MAGI2: variants seen among roughly 807,000 people sequenced by gnomAD.
MAGI2 encodes the protein membrane associated guanylate kinase, WW and PDZ domain containing 2, also known as membrane-associated guanylate kinase, WW and PDZ domain-containing protein 2.
Under a neutral mutation model 133.3 loss-of-function variants are expected in MAGI2, and 35 were observed. The ratio of observed to expected loss-of-function variants is 0.26; its 90% CI spans 0.20 to 0.35. MAGI2 has a LOEUF of 0.35. MAGI2 is among the 10% of genes least tolerant of loss of function. The pLI, the probability that MAGI2 is intolerant of heterozygous loss-of-function variation, is 1.00. For synonymous variants in MAGI2, 729 were observed against 710.6 expected, an observed-to-expected ratio of 1.03 and a Z score of -0.41; for missense variants, 1,636 against 1,863.4, an observed-to-expected ratio of 0.88 and a Z score of 2.25.
At chr7:78,237,191 C>T (rs1584508157) in intron 10 of MAGI2, among the ~76,000 whole-genome samples, 1 of 152,040 alleles carries the variant, frequency 6.6e-6, no homozygotes, top group East Asian at 1.9e-4. Flanking sequence ...TAGAAATGGC[C>T]AACAGACATA....
chr7:79,014,361 T>G (rs1808476581), intron 1 of MAGI2, among the ~76,000 whole-genome samples: 1 of 152,144 alleles, frequency 6.6e-6, no homozygotes, highest in East Asian at 1.9e-4. Context: ...CCAGGCATCA[T>G]AGTAGGTACC....
chr7:79,135,805 G>T (rs1282450549), intron 1 of MAGI2, among the ~76,000 whole-genome samples: 2 of 151,570 alleles, frequency 1.3e-5, no homozygotes, highest in Non-Finnish European at 2.9e-5. Flanking sequence ...GCTGGGTGTG[G>T]TGGCATACTC....
At chr7:79,019,537 GTTTTTCTT>G (rs919939605) in intron 1 of MAGI2, among the ~76,000 whole-genome samples, 1 of 151,658 alleles carries the variant, frequency 6.6e-6, no homozygotes, top group Admixed American at 6.6e-5. Flanking sequence ...TCTTTTTTCT[GTTTTTCTT>G]TTTTTCTTTC....
intron 20 of MAGI2, among the ~76,000 whole-genome samples, chr7:78,119,616 A>C (rs906195806): frequency 1.3e-5 from 2 of 151,618 alleles, no homozygotes; most frequent in South Asian, 4.2e-4. Flanking sequence ...ACCATACTGT[A>C]AACTATGGAC....
chr7:78,262,611 T>C (rs1269811890), intron 9 of MAGI2, among the ~76,000 whole-genome samples: 1 of 152,136 alleles, frequency 6.6e-6, no homozygotes, highest in Non-Finnish European at 1.5e-5. Flanking sequence ...GGTATGCCAA[T>C]AACTAGTGGT....
chr7:78,277,073 T>C (rs1387062490), intron 9 of MAGI2, among the ~76,000 whole-genome samples: 1 of 152,150 alleles, frequency 6.6e-6, no homozygotes, highest in Non-Finnish European at 1.5e-5. Context: ...CTAATCAGCA[T>C]GAGTGAGTCA....
At chr7:78,354,429 G>A (rs1791853066) in intron 7 of MAGI2, among the ~76,000 whole-genome samples, 1 of 152,176 alleles carries the variant, frequency 6.6e-6, no homozygotes, top group East Asian at 1.9e-4. Flanking sequence ...AGGACACTCA[G>A]AATACCGGGC....
At chr7:78,938,791 T>A (rs1422570598) in intron 2 of MAGI2, among the ~76,000 whole-genome samples, 2 of 152,182 alleles carry the variant, frequency 1.3e-5, no homozygotes, top group African/African-American at 4.8e-5. Flanking sequence ...ATATGAGAGA[T>A]ATAAAGATGA....
chr7:79,128,958 T>A (rs1410163079), intron 1 of MAGI2, among the ~76,000 whole-genome samples: 2 of 152,096 alleles, frequency 1.3e-5, no homozygotes, highest in Admixed American at 6.5e-5. Context: ...GCAACCTCCA[T>A]CTCTCGAGTT....
At chr7:79,349,385 A>G (rs1841541480) in intron 1 of MAGI2, among the ~76,000 whole-genome samples, 1 of 152,016 alleles carries the variant, frequency 6.6e-6, no homozygotes, top group Admixed American at 6.6e-5. Flanking sequence ...CTGGACAAGT[A>G]TTCTACTTCT....
intron 1 of MAGI2, among the ~76,000 whole-genome samples, chr7:79,110,639 T>C (rs985213163): frequency 6.6e-6 from 1 of 152,184 alleles, no homozygotes; most frequent in South Asian, 2.1e-4. Context: ...TTGGGACTTT[T>C]GAGTTAATGT....
At chr7:78,686,215 A>G (rs1179178110) in intron 2 of MAGI2, among the ~76,000 whole-genome samples, 2 of 151,702 alleles carry the variant, frequency 1.3e-5, no homozygotes, top group African/African-American at 4.8e-5. Flanking sequence ...CCTTTATTTT[A>G]TCTTTTACCG....
At chr7:78,988,606 A>G (rs144691542) in intron 2 of MAGI2, among the ~76,000 whole-genome samples, 1 of 152,252 alleles carries the variant, frequency 6.6e-6, no homozygotes, top group African/African-American at 2.4e-5. Flanking sequence ...GATCTTCTGT[A>G]AGCTAGCTAT....
rs1797964353 is a variant in MAGI2 at position 78,905,930 on chromosome 7, T to G, written c.418+101160A>C. ...AGATACCATAAAGAAAAGTTTGTCT[T>G]ACCCACATTCAAACTTTCAACACCT... On this transcript the variant is annotated intron_variant, in intron 2 of 21. Transcript: ENST00000354212. Among the ~76,000 whole-genome samples the G allele has an allele frequency of 2.6e-5, 4 of 152,162 alleles. No homozygotes were observed. The South Asian group carries it at 8.3e-4, about 32-fold the overall frequency.
intron 16 of MAGI2, among the ~76,000 whole-genome samples, chr7:78,152,725 T>C (rs1197846485): frequency 6.6e-6 from 1 of 152,202 alleles, no homozygotes; most frequent in East Asian, 1.9e-4. Context: ...AGAAGCCAGA[T>C]ACATGAGGGG....
intron 10 of MAGI2, among the ~76,000 whole-genome samples, chr7:78,237,751 G>A (rs1790703393): frequency 6.6e-6 from 1 of 152,070 alleles, no homozygotes; most frequent in South Asian, 2.1e-4. Context: ...GGATAATAAT[G>A]AAGAGACAAT....
At chr7:79,225,886 G>C (rs1231006955) in intron 1 of MAGI2, among the ~76,000 whole-genome samples, 1 of 152,128 alleles carries the variant, frequency 6.6e-6, no homozygotes, top group Non-Finnish European at 1.5e-5. Flanking sequence ...GCCTGATTAT[G>C]ATGCAGAGCT....
chr7:78,447,314 T>C (rs1246584501), intron 6 of MAGI2, among the ~76,000 whole-genome samples: 3 of 151,934 alleles, frequency 2.0e-5, no homozygotes, highest in African/African-American at 7.2e-5. Context: ...CCTCATAAAT[T>C]TACCATTTTT....
intron 1 of MAGI2, among the ~76,000 whole-genome samples, chr7:79,408,282 T>C (rs1257584879): frequency 6.6e-6 from 1 of 152,108 alleles, no homozygotes; most frequent in African/African-American, 2.4e-5. Flanking sequence ...AAATATTTTA[T>C]AATTAATTTC....
Sources: gnomAD v4.1 joint callset for allele counts (sites outside exome capture counted in the v4.1 genomes callset) on GRCh38, gnomAD v4.1.1 for gene constraint, MANE v1.5 for transcripts, NCBI Gene and HGNC (gene_info 2026-07-23, HGNC 2026-07-21) for gene names.